The following MAPKAPK5 variants were observed in gnomAD, a reference collection of about 807,000 sequenced individuals.
MAPKAPK5 encodes MAPK activated protein kinase 5, also known as MAP kinase-activated protein kinase 5.
In MAPKAPK5, 30 loss-of-function variants were observed where a neutral mutation model predicts 65.1. That is an observed-to-expected ratio of 0.46 (90% confidence interval 0.34 to 0.63). The LOEUF is 0.63. Ranked by LOEUF, MAPKAPK5 falls within the 20% of genes least tolerant of loss-of-function variation. The pLI is 0.01. For missense variants in MAPKAPK5, 433 were observed against 581.4 expected (o/e 0.74, Z 2.63); for synonymous variants, 179 against 204.6 (o/e 0.87, Z 1.07).
chr12:111,850,736 G>A (rs1420750350), intron 1 of MAPKAPK5, among the ~76,000 whole-genome samples: 1 of 152,174 alleles, frequency 6.6e-6, no homozygotes, highest in Non-Finnish European at 1.5e-5. Context: ...AAGGCAGGAA[G>A]AGCTAGGTTA....
At chr12:111,884,891 G>T (rs1412898236) in intron 9 of MAPKAPK5, among the ~76,000 whole-genome samples, 1 of 152,164 alleles carries the variant, frequency 6.6e-6, no homozygotes, top group African/African-American at 2.4e-5. Flanking sequence ...GAAGGTGGGG[G>T]TTGGGGGCAG....
intron 1 of MAPKAPK5, among the ~76,000 whole-genome samples, chr12:111,852,818 G>GGCTTAA (rs1378111354): frequency 6.6e-6 from 1 of 151,946 alleles, no homozygotes; most frequent in African/African-American, 2.4e-5. Context: ...CTGTCTCGCA[G>GGCTTAA]GCTTAAGTGC....
intron 1 of MAPKAPK5, among the ~76,000 whole-genome samples, chr12:111,857,654 T>G (rs1448260102): frequency 6.6e-6 from 1 of 152,182 alleles, no homozygotes; most frequent in Non-Finnish European, 1.5e-5. Flanking sequence ...CTTTCAGTGT[T>G]TATTTATTTG....
chr12:111,858,669 G>C (rs554458048), intron 1 of MAPKAPK5, among the ~76,000 whole-genome samples: 1 of 147,900 alleles, frequency 6.8e-6, no homozygotes, highest in South Asian at 2.2e-4. Context: ...CCAGCCTCCT[G>C]AGTAGCTGGG....
At chr12:111,844,012 C>T (rs1184794184) in intron 1 of MAPKAPK5, among the ~76,000 whole-genome samples, 2 of 151,732 alleles carry the variant, frequency 1.3e-5, no homozygotes, top group African/African-American at 4.8e-5. Flanking sequence ...TTAGTAGAGA[C>T]GGGGTTTCAC....
chr12:111,853,838 C>T (rs2069158665), intron 1 of MAPKAPK5, among the ~76,000 whole-genome samples: 1 of 152,244 alleles, frequency 6.6e-6, no homozygotes, highest in African/African-American at 2.4e-5. Flanking sequence ...CCCGGCCTGG[C>T]TGACAGTTTT....
intron 1 of MAPKAPK5, among the ~76,000 whole-genome samples, chr12:111,857,672 C>G (rs969306647): frequency 1.3e-5 from 2 of 152,100 alleles, no homozygotes; most frequent in African/African-American, 4.8e-5. Flanking sequence ...TTGATAATGC[C>G]TTTATTTCAC....
At chr12:111,858,232 T>C (rs1046255584) in intron 1 of MAPKAPK5, among the ~76,000 whole-genome samples, 1 of 152,132 alleles carries the variant, frequency 6.6e-6, no homozygotes, top group African/African-American at 2.4e-5. Flanking sequence ...GACTGTGGTA[T>C]GTCTAGGTGT....
rs1356427939 is a variant in MAPKAPK5, at chr12:111,842,250, A to T, written c.-484A>T. 3 of 153,442 alleles carry T rather than the reference A, an allele frequency of 2.0e-5. No homozygotes were observed. Among genetic ancestry groups the T allele is most frequent in the Admixed American group, 1.3e-4 (2 of 15,258 alleles). 9.5% of individuals were successfully genotyped at this position (153,442 alleles called of 1,614,324 possible). On this transcript the variant is annotated 5_prime_UTR_variant, in exon 1 of 14. Transcript: ENST00000550735. Reference sequence around the variant, plus strand: ...GGTGTCCCGGCGATGTGTGGCGCTGAGGCGGCGGCGGGAGCAGCGGCGCCG... The same window carrying T: ...GGTGTCCCGGCGATGTGTGGCGCTGTGGCGGCGGCGGGAGCAGCGGCGCCG...
chr12:111,899,843 T>G lies in MAPKAPK5; in HGVS notation c.*6782T>G, dbSNP rs895267564. ...CTCTTCAAGACGGTTTGAACATGTG[T>G]TATACACCATGGCACATCAAGCGTG... On this transcript the variant is annotated 3_prime_UTR_variant, in exon 14 of 14. Transcript: ENST00000550735. 1 of 451,934 alleles carries G rather than the reference T, an allele frequency of 2.2e-6. No individual in the cohort carries two copies. Among genetic ancestry groups the G allele is most frequent in the Admixed American group, 2.4e-5 (1 of 42,480 alleles). The allele number at this position is 451,934 out of a possible 1,614,324, so 28.0% of individuals were successfully genotyped here. A position where few individuals can be genotyped will look rare whatever the true frequency, so the allele number is the denominator to read the frequency against.
At chr12:111,854,380 T>C (rs1195360477) in intron 1 of MAPKAPK5, among the ~76,000 whole-genome samples, 1 of 152,126 alleles carries the variant, frequency 6.6e-6, no homozygotes, top group East Asian at 1.9e-4. Context: ...TAGCTGGGAC[T>C]TGAGGCGTGC....
rs1320887766 is a variant in MAPKAPK5, at chr12:111,883,269, C to T, written c.661-312C>T. On this transcript the variant is annotated intron_variant, in intron 8 of 13. Transcript: ENST00000550735. This position sits in a 1 kb window ranked among gnomAD's most constrained non-coding sequence, Gnocchi z 4.8. Reference sequence around the variant, plus strand: ...TGGCACATGCCTGTAATCCCAGCTACTCAGGAGGCTGAGGCAGGAGGAATT... The same window carrying T: ...TGGCACATGCCTGTAATCCCAGCTATTCAGGAGGCTGAGGCAGGAGGAATT... Among the ~76,000 whole-genome samples the T allele has an allele frequency of 6.6e-6, 1 of 152,120 alleles. No homozygotes were observed. Among genetic ancestry groups the T allele is most frequent in the Non-Finnish European group, 1.5e-5 (1 of 68,016 alleles).
At chr12:111,891,993 C>A (rs1227644341) in intron 13 of MAPKAPK5, among the ~76,000 whole-genome samples, 1 of 152,116 alleles carries the variant, frequency 6.6e-6, no homozygotes, top group Non-Finnish European at 1.5e-5. Flanking sequence ...TAATCACAGT[C>A]CTGATTTCTA....
intron 1 of MAPKAPK5, among the ~76,000 whole-genome samples, chr12:111,862,390 A>G (rs891496294): frequency 6.6e-6 from 1 of 152,182 alleles, no homozygotes; most frequent in Non-Finnish European, 1.5e-5. Flanking sequence ...TCCATCAGGT[A>G]GAGTACTAAC....
intron 1 of MAPKAPK5, among the ~76,000 whole-genome samples, chr12:111,844,664 C>T (rs1425678465): frequency 1.3e-5 from 2 of 152,148 alleles, no homozygotes; most frequent in African/African-American, 4.8e-5. Flanking sequence ...TGTCATGTAG[C>T]TTATATTCTA....
intron 12 of MAPKAPK5, chr12:111,889,787 T>A (rs923286315): frequency 1.5e-5 from 6 of 390,614 alleles, no homozygotes; most frequent in South Asian, 1.2e-4. Context: ...CCACAGCCTA[T>A]TTCCCATCCC....
chr12:111,847,344 C>CGA (rs1566219207), intron 1 of MAPKAPK5, among the ~76,000 whole-genome samples: 1 of 103,334 alleles, frequency 9.7e-6, no homozygotes, highest in African/African-American at 3.4e-5. Flanking sequence ...TGAGACTCTG[C>CGA]AAAAAAAAAA....
chr12:111,873,434 C>T (rs897816297), intron 7 of MAPKAPK5, among the ~76,000 whole-genome samples: 2 of 152,094 alleles, frequency 1.3e-5, no homozygotes, highest in African/African-American at 2.4e-5. Flanking sequence ...ACCTCTGCCT[C>T]CCGGGTTCAA....
intron 1 of MAPKAPK5, among the ~76,000 whole-genome samples, chr12:111,846,824 C>T (rs2068920564): frequency 6.6e-6 from 1 of 152,036 alleles, no homozygotes; most frequent in African/African-American, 2.4e-5. Context: ...AAGCACTATT[C>T]TTTGTAGTGT....
Sources: gnomAD v4.1 joint callset for allele counts (sites outside exome capture counted in the v4.1 genomes callset) on GRCh38, gnomAD v4.1.1 for gene constraint, Gnocchi (gnomAD v3.1) non-coding constraint, MANE v1.5 for transcripts, NCBI Gene and HGNC (gene_info 2026-07-23, HGNC 2026-07-21) for gene names.